CENPP: variants seen among roughly 807,000 people sequenced by gnomAD.
CENPP encodes centromere protein P.
A neutral mutation model predicts 35.6 loss-of-function variants in CENPP; 24 were observed. The observed-to-expected ratio is 0.67, with a 90% CI of 0.49 to 0.95. The LOEUF is 0.95. Ranked by LOEUF, CENPP falls within the 40% of genes least tolerant of loss-of-function variation. The pLI is 0.00. For missense variants in CENPP, 332 were observed against 345.3 expected, an observed-to-expected ratio of 0.96 and a Z score of 0.31; for synonymous variants, 120 against 125.5, an observed-to-expected ratio of 0.96 and a Z score of 0.29.
chr9:92,411,073 C>A (rs781436100), intron 5 of CENPP, among the ~76,000 whole-genome samples: 22 of 151,940 alleles, frequency 1.4e-4, no homozygotes, highest in Non-Finnish European at 2.6e-4. Flanking sequence ...CTCCCCAGTT[C>A]ACACCTCTCC....
intron 5 of CENPP, among the ~76,000 whole-genome samples, chr9:92,603,030 C>G (rs1348327585): frequency 6.6e-6 from 1 of 152,234 alleles, no homozygotes; most frequent in East Asian, 1.9e-4. Flanking sequence ...ACCTCGTGAT[C>G]CGCTCGCCTT....
intron 4 of CENPP, among the ~76,000 whole-genome samples, chr9:92,377,884 C>T (rs1367732338): frequency 2.0e-5 from 3 of 149,746 alleles, no homozygotes; most frequent in Admixed American, 1.3e-4. Flanking sequence ...GATTCTGGTT[C>T]GTTTTATGTA....
intron 4 of CENPP, among the ~76,000 whole-genome samples, chr9:92,346,277 T>C (rs1841292727): frequency 6.6e-6 from 1 of 152,194 alleles, no homozygotes; most frequent in African/African-American, 2.4e-5. Context: ...TCCTCCTGCC[T>C]TAGCCTCCCA....
At chr9:92,409,612 T>A (rs1843394277) in intron 5 of CENPP, among the ~76,000 whole-genome samples, 1 of 152,238 alleles carries the variant, frequency 6.6e-6, no homozygotes, top group African/African-American at 2.4e-5. Context: ...CTTCTTAAAA[T>A]TTCCTTTCTA....
chr9:92,613,228 T>C lies in CENPP; in HGVS notation c.*79T>C. On this transcript the variant is annotated 3_prime_UTR_variant, in exon 8 of 8. Transcript: ENST00000375587. ...TTTATTCAATATAAACATTTGCTAT[T>C]TTCTGCTTAGAAACCACACCCTGAA... 1 of 1,579,774 alleles carries C rather than the reference T, an allele frequency of 6.3e-7. No homozygotes were observed. The highest frequency in any genetic ancestry group is 1.1e-5 in the South Asian group (1 of 89,350).
intron 5 of CENPP, among the ~76,000 whole-genome samples, chr9:92,471,195 C>A (rs893303157): frequency 6.7e-6 from 1 of 149,130 alleles, no homozygotes; most frequent in African/African-American, 2.5e-5. Context: ...GATAATTTTT[C>A]TTTCTTTTTT....
At chr9:92,610,348 C>T (rs544235353) in intron 5 of CENPP, among the ~76,000 whole-genome samples, 1 of 152,220 alleles carries the variant, frequency 6.6e-6, no homozygotes, top group East Asian at 1.9e-4. Flanking sequence ...GCCACTGCAC[C>T]TGGCCCAAAA....
chr9:92,473,879 A>T (rs1035840478), intron 5 of CENPP, among the ~76,000 whole-genome samples: 7 of 152,270 alleles, frequency 4.6e-5, no homozygotes, highest in Non-Finnish European at 1.0e-4. Flanking sequence ...ACATCTGCTC[A>T]TACAGACTCA....
At chr9:92,427,242 A>G (rs1191432661) in intron 5 of CENPP, among the ~76,000 whole-genome samples, 1 of 152,194 alleles carries the variant, frequency 6.6e-6, no homozygotes, top group Non-Finnish European at 1.5e-5. Flanking sequence ...GGCTCACTGC[A>G]GCCTCCACCT....
rs1214105271 is a variant in CENPP at position 92,448,776 on chromosome 9, CTA to C, written c.564+68919_564+68920del. ...GTTATTTCCAGGAATGGCTGACAAT[CTA>C]TGTCTACACCTTAGCAGAATCGGGC... On this transcript the variant is annotated intron_variant, in intron 5 of 7. Transcript: ENST00000375587. 2.0e-5 allele frequency among the ~76,000 whole-genome samples: 3 copies of C among 152,302 alleles called. No individual in the cohort carries two copies. The East Asian group carries it at 5.8e-4, about 29-fold the overall frequency.
intron 3 of CENPP, among the ~76,000 whole-genome samples, chr9:92,339,253 A>C (rs1020167246): frequency 6.6e-6 from 1 of 152,270 alleles, no homozygotes; most frequent in South Asian, 2.1e-4. Context: ...TATCCTTTTC[A>C]TCAGTGTCCT....
intron 4 of CENPP, among the ~76,000 whole-genome samples, chr9:92,376,977 G>A (rs544072080): frequency 1.8e-4 from 28 of 152,014 alleles, no homozygotes; most frequent in African/African-American, 4.8e-4. Flanking sequence ...CCCAGGAAGC[G>A]GAGGTTTTGG....
At chr9:92,541,934 C>T (rs975606810) in intron 5 of CENPP, among the ~76,000 whole-genome samples, 1 of 152,122 alleles carries the variant, frequency 6.6e-6, no homozygotes, top group African/African-American at 2.4e-5. Flanking sequence ...GCTGGGATTA[C>T]AAGCATCCGC....
At chr9:92,376,198 T>A (rs997341805) in intron 4 of CENPP, among the ~76,000 whole-genome samples, 3 of 152,208 alleles carry the variant, frequency 2.0e-5, no homozygotes, top group Non-Finnish European at 4.4e-5. Flanking sequence ...GAGCACTTTT[T>A]CCAAGACTTT....
At chr9:92,374,750 A>G (rs1842087533) in intron 4 of CENPP, among the ~76,000 whole-genome samples, 2 of 152,242 alleles carry the variant, frequency 1.3e-5, no homozygotes, top group Admixed American at 1.3e-4. Flanking sequence ...ATAAAAATAC[A>G]GTGATACTTT....
chr9:92,567,355 A>G (rs1449079655), intron 5 of CENPP, among the ~76,000 whole-genome samples: 5 of 120,772 alleles, frequency 4.1e-5, no homozygotes, highest in African/African-American at 1.4e-4. Flanking sequence ...TTTATGGGGT[A>G]TACAGTTACA....
intron 5 of CENPP, chr9:92,457,556 C>A: frequency 8.7e-7 from 1 of 1,154,366 alleles, no homozygotes; most frequent in Non-Finnish European, 1.3e-6. Context: ...TCTGTAGTCG[C>A]CATTTGTTTG....
At chr9:92,532,592 ACT>A (rs1338694618) in intron 5 of CENPP, among the ~76,000 whole-genome samples, 2 of 151,486 alleles carry the variant, frequency 1.3e-5, no homozygotes, top group Admixed American at 1.3e-4. Context: ...GTTCATTGAT[ACT>A]CTCTTCATCT....
At chr9:92,513,888 A>G (rs1847516847) in intron 5 of CENPP, among the ~76,000 whole-genome samples, 1 of 152,224 alleles carries the variant, frequency 6.6e-6, no homozygotes, top group Non-Finnish European at 1.5e-5. Flanking sequence ...ATATACTAAA[A>G]ATAAGTTTTA....
Sources: allele counts gnomAD v4.1 joint callset (sites outside exome capture counted in the v4.1 genomes callset), GRCh38; gene constraint gnomAD v4.1.1; transcripts MANE v1.5; gene names NCBI Gene and HGNC (gene_info 2026-07-23, HGNC 2026-07-21).